ELAVL1: variants seen among roughly 807,000 people sequenced by gnomAD.
ELAVL1 encodes the protein ELAV like RNA binding protein 1.
ELAVL1 carries 1 observed loss-of-function variant against 28.4 expected under a neutral mutation model. That is an observed-to-expected ratio of 0.04 (90% CI 0.01 to 0.17). ELAVL1 has a LOEUF of 0.17. Among genes scored for constraint, ELAVL1 ranks in the 10% least tolerant of loss-of-function variants. The probability of loss-of-function intolerance (pLI) is 1.00; values close to 1 mark genes in which losing one functional copy is unlikely to be tolerated. For missense variants in ELAVL1, 157 were observed against 447.2 expected (o/e 0.35, Z 5.85); for synonymous variants, 174 against 183.5 (o/e 0.95, Z 0.42).
In ELAVL1 at chr19:7,979,339, G is replaced by A. The variant is rs62123121; in HGVS notation, c.276+1744C>T. Among the ~76,000 whole-genome samples the A allele has an allele frequency of 0.014, 2,062 of 152,298 alleles. 22 individuals are homozygous for A. Among genetic ancestry groups the A allele is most frequent in the Non-Finnish European group, 0.022 (1,487 of 68,004 alleles). On this transcript the variant is annotated intron_variant, in intron 3 of 5. Coordinates refer to ENST00000407627, the MANE Select transcript of ELAVL1 (RefSeq NM_001419.3). This position sits in a 1 kb window ranked among gnomAD's most constrained non-coding sequence, Gnocchi z 5.4. ...CCCAGGCCTGGGCCCCTGGGGTCCC[G>A]TGAGGCTCTGGCTCCAAACTCAGGC...
chr19:8,002,162 ACGATGTTCTCTGAACACTG>A (rs770207882), intron 1 of ELAVL1: 2 of 1,275,082 alleles, frequency 1.6e-6, no homozygotes, highest in South Asian at 2.5e-5. Flanking sequence ...CTTTGAACAC[ACGATGTTCTCTGAACACTG>A]CGATGTTCCC....
At chr19:7,970,376 C>G (rs948895110) in intron 4 of ELAVL1, among the ~76,000 whole-genome samples, 1 of 152,182 alleles carries the variant, frequency 6.6e-6, no homozygotes, top group Non-Finnish European at 1.5e-5. Flanking sequence ...AGGATGGTCT[C>G]GACCTCTCGA....
At chr19:7,985,112 G>A (rs932745462) in intron 2 of ELAVL1, among the ~76,000 whole-genome samples, 1 of 152,170 alleles carries the variant, frequency 6.6e-6, no homozygotes, top group African/African-American at 2.4e-5. Context: ...TAGAGATGGG[G>A]TTTCGCCATG....
chr19:7,976,816 G>A (rs17444755), intron 3 of ELAVL1, among the ~76,000 whole-genome samples: 12,812 of 150,948 alleles, frequency 0.085, 721 homozygotes, highest in Non-Finnish European at 0.13. Flanking sequence ...TCTTGACTGC[G>A]TTGATCATGA....
At chr19:7,968,690 A>C (rs890905) in intron 4 of ELAVL1, among the ~76,000 whole-genome samples, 152,021 of 152,372 alleles carry the variant, frequency 1, 75,842 homozygotes, top group Middle Eastern at 1. Context: ...AGACCTGAGG[A>C]CCGTCCTGCT....
chr19:7,984,742 G>C (rs1985555334), intron 2 of ELAVL1, among the ~76,000 whole-genome samples: 1 of 152,242 alleles, frequency 6.6e-6, no homozygotes, highest in Non-Finnish European at 1.5e-5. Flanking sequence ...AGGCAGGCAG[G>C]TGAGGGATGA....
In ELAVL1 at chr19:7,962,456, G is replaced by A. The variant is rs1189441362; in HGVS notation, c.*1027C>T. On this transcript the variant is annotated 3_prime_UTR_variant, in exon 6 of 6. Coordinates refer to ENST00000407627, the MANE Select transcript of ELAVL1 (RefSeq NM_001419.3). ...CAAAGGTTTTGGTTAATAGATAACT[G>A]GCAAGAAGTAAGTACTTTTCTGCTG... 6.6e-6 allele frequency: 1 copy of A among 152,596 alleles called. No individual in the cohort carries two copies. The highest frequency in any genetic ancestry group is 6.5e-5 in the Admixed American group (1 of 15,278). 9.5% of individuals were successfully genotyped at this position (152,596 alleles called of 1,614,324 possible). A position where few individuals can be genotyped will look rare whatever the true frequency, so the allele number is the denominator to read the frequency against.
In ELAVL1 at chr19:7,996,250, C is replaced by T. The variant is rs187465703; in HGVS notation, c.-16-4419G>A. Among the ~76,000 whole-genome samples the T allele has an allele frequency of 4.7e-3, 704 of 150,886 alleles. 7 individuals are homozygous for T. The highest frequency in any genetic ancestry group is 0.025 in the East Asian group (125 of 5,080). ...AGGCTGGAGTGCAGTGGCATGATCT[C>T]CGCTCACTGCAAGCTCCACCTCCCG... On this transcript the variant is annotated intron_variant, in intron 1 of 5. Transcript: ENST00000407627.
intron 2 of ELAVL1, among the ~76,000 whole-genome samples, chr19:7,986,248 C>T (rs576399847): frequency 7.2e-5 from 11 of 152,292 alleles, no homozygotes; most frequent in South Asian, 2.1e-4. Flanking sequence ...GGGCAGGTCC[C>T]GTGAGTTCTC....
chr19:7,969,054 C>A (rs996705016), intron 4 of ELAVL1, among the ~76,000 whole-genome samples: 2 of 152,300 alleles, frequency 1.3e-5, no homozygotes, highest in Non-Finnish European at 2.9e-5. Flanking sequence ...GACAGCCCAA[C>A]CCAAACACCC....
At chr19:7,991,911 A>G (rs999200306) in intron 1 of ELAVL1, 80 bp from the exon 2 acceptor site, 7 of 1,120,374 alleles carry the variant, frequency 6.2e-6, no homozygotes, top group Non-Finnish European at 8.5e-6. Context: ...CTGCATTTGC[A>G]CTTAGAGATT....
At chr19:7,980,977 G>A (rs540991604) in intron 3 of ELAVL1, 106 bp downstream of exon 3, 21 of 1,125,238 alleles carry the variant, frequency 1.9e-5, no homozygotes, top group East Asian at 1.2e-4. Context: ...CCCGAGGAGC[G>A]GCTGTGCTCA....
intron 1 of ELAVL1, among the ~76,000 whole-genome samples, chr19:7,993,382 G>A (rs974268188): frequency 6.6e-6 from 1 of 152,202 alleles, no homozygotes; most frequent in Non-Finnish European, 1.5e-5. Flanking sequence ...CTGCTGCTGA[G>A]GGGGCAGGTA....
At chr19:7,985,713 G>GTGGGA (rs1180778757) in intron 2 of ELAVL1, among the ~76,000 whole-genome samples, 1 of 152,244 alleles carries the variant, frequency 6.6e-6, no homozygotes, top group East Asian at 1.9e-4. Flanking sequence ...GAGGGTGTGG[G>GTGGGA]TGGGAGATAC....
At chr19:8,000,820 GAGA>G (rs1480065495) in intron 1 of ELAVL1, among the ~76,000 whole-genome samples, 1 of 152,256 alleles carries the variant, frequency 6.6e-6, no homozygotes. Flanking sequence ...CAGCCAGGCT[GAGA>G]AGCCCGGGGC....
At chr19:7,991,927 T>C in intron 1 of ELAVL1, 96 bp from the exon 2 acceptor site, 1 of 1,021,394 alleles carries the variant, frequency 9.8e-7, no homozygotes, top group Non-Finnish European at 1.3e-6. Flanking sequence ...AGATTTTCTT[T>C]CTTTCTTTTT....
rs1490765545 is a variant in ELAVL1 at position 7,959,852 on chromosome 19, T to A, written c.*3631A>T. On this transcript the variant is annotated 3_prime_UTR_variant, in exon 6 of 6. Coordinates refer to ENST00000407627, the MANE Select transcript of ELAVL1 (RefSeq NM_001419.3). ...GCTAAGGAGCTGCCTCAGGTCCTAG[T>A]AGGTGAGGTAGGTCTGGGGAAGATG... 3 of 150,568 alleles carry A rather than the reference T, an allele frequency of 2.0e-5. No individual in the cohort carries two copies. The highest frequency in any genetic ancestry group is 7.4e-5 in the African/African-American group (3 of 40,710). The allele number at this position is 150,568 out of a possible 1,614,324, so 9.3% of individuals were successfully genotyped here.
In ELAVL1 at chr19:7,981,050, G is replaced by A. The variant is rs1985448195; in HGVS notation, c.276+33C>T. The A allele has an allele frequency of 6.2e-7, 1 of 1,606,084 alleles. No homozygotes were observed. Among genetic ancestry groups the A allele is most frequent in the South Asian group, 1.1e-5 (1 of 90,880 alleles). On this transcript the variant is annotated intron_variant, in intron 3 of 5. Transcript: ENST00000407627. The surrounding 1 kb of genome is among the most constrained non-coding windows in gnomAD (Gnocchi z 4.2). ...TCAGCACAGACCTGTGCCCAGGGCA[G>A]GAATGGATGCGGTGGTGATCAGATC...
rs1029992199 is a variant in ELAVL1, at chr19:7,962,428, A to T, written c.*1055T>A. ...TTGAGGGTTAATCTTTAAAACTACA[A>T]ATCAAAGGTTTTGGTTAATAGATAA... On this transcript the variant is annotated 3_prime_UTR_variant, in exon 6 of 6. Coordinates refer to ENST00000407627, the MANE Select transcript of ELAVL1 (RefSeq NM_001419.3). 5.9e-5 allele frequency: 9 copies of T among 152,644 alleles called. No individual in the cohort carries two copies. Among genetic ancestry groups the T allele is most frequent in the African/African-American group, 2.2e-4 (9 of 41,452 alleles). The allele number at this position is 152,644 out of a possible 1,614,324, so 9.5% of individuals were successfully genotyped here.
Sources: allele counts gnomAD v4.1 joint callset (sites outside exome capture counted in the v4.1 genomes callset), GRCh38; gene constraint gnomAD v4.1.1; non-coding constraint Gnocchi (gnomAD v3.1); transcripts MANE v1.5; gene names NCBI Gene and HGNC (gene_info 2026-07-23, HGNC 2026-07-21).